The following KCNQ5 variants were observed in gnomAD, a reference collection of about 807,000 sequenced individuals.
The protein encoded by KCNQ5 is potassium voltage-gated channel subfamily Q member 5, also known as potassium voltage-gated channel subfamily KQT member 5.
Under a neutral mutation model 98.2 loss-of-function variants are expected in KCNQ5, and 30 were observed. That is an observed-to-expected ratio of 0.31 (90% confidence interval 0.23 to 0.41). The LOEUF (loss-of-function observed/expected upper bound fraction) is 0.41. Among genes scored for constraint, KCNQ5 ranks in the 10% least tolerant of loss-of-function variants. KCNQ5 has a pLI of 1.00. For synonymous variants in KCNQ5, 458 were observed against 449.4 expected (o/e 1.02, Z -0.24); for missense variants, 835 against 1,182.5 (o/e 0.71, Z 4.31).
chr6:72,845,424 T>C (rs1776979114), intron 1 of KCNQ5, among the ~76,000 whole-genome samples: 1 of 152,190 alleles, frequency 6.6e-6, no homozygotes, highest in Admixed American at 6.5e-5. Context: ...CTATTTAACC[T>C]CCATAGATGT....
intron 1 of KCNQ5, among the ~76,000 whole-genome samples, chr6:72,901,792 A>G (rs1272262764): frequency 1.3e-5 from 2 of 151,520 alleles, no homozygotes; most frequent in Non-Finnish European, 2.9e-5. Context: ...ATGCCTCCAG[A>G]TTTGTTCTTT....
intron 1 of KCNQ5, among the ~76,000 whole-genome samples, chr6:72,689,700 C>G (rs1366764814): frequency 6.6e-6 from 1 of 151,766 alleles, no homozygotes; most frequent in African/African-American, 2.4e-5. Context: ...ATTTACATAC[C>G]TGAAATGCAT....
chr6:72,667,308 C>T (rs1766872859), intron 1 of KCNQ5, among the ~76,000 whole-genome samples: 1 of 152,138 alleles, frequency 6.6e-6, no homozygotes, highest in East Asian at 1.9e-4. Flanking sequence ...GAGTTAGGCA[C>T]CATTAAGCCT....
At chr6:72,861,945 G>T (rs546481243) in intron 1 of KCNQ5, among the ~76,000 whole-genome samples, 178 of 152,112 alleles carry the variant, frequency 1.2e-3, no homozygotes, top group African/African-American at 4.3e-3. Context: ...TTCTCACTGT[G>T]TCTGCTCCTT....
chr6:72,763,968 G>T (rs1350647661), intron 1 of KCNQ5, among the ~76,000 whole-genome samples: 2 of 151,654 alleles, frequency 1.3e-5, no homozygotes, highest in Non-Finnish European at 2.9e-5. Context: ...AACTTTTTTT[G>T]ATCAGATCCA....
In KCNQ5 at chr6:73,190,540, A is replaced by AATATG. The variant is rs751832036; in HGVS notation, c.1578-33_1578-32insATATG. 3 of 1,178,262 alleles carry AATATG rather than the reference A, an allele frequency of 2.5e-6. No individual in the cohort carries two copies. The African/African-American group carries it at 4.7e-5, about 19-fold the overall frequency. The allele number at this position is 1,178,262 out of a possible 1,614,324, so 73.0% of individuals were successfully genotyped here. ...TTTGGTAACTTATATTAACAGAGTT[A>AATATG]TAAAGATTAATATGTAATATGTTCT... On this transcript the variant is annotated intron_variant, in intron 11 of 13. Transcript: ENST00000370398.
chr6:73,008,796 A>G (rs1326007851), intron 2 of KCNQ5, among the ~76,000 whole-genome samples: 1 of 152,198 alleles, frequency 6.6e-6, no homozygotes, highest in Non-Finnish European at 1.5e-5. Context: ...CCCAATAACA[A>G]TAACATAAAC....
At chr6:73,103,712 G>A (rs1351471850) in intron 5 of KCNQ5, among the ~76,000 whole-genome samples, 2 of 151,524 alleles carry the variant, frequency 1.3e-5, no homozygotes, top group Non-Finnish European at 2.9e-5. Flanking sequence ...AAGGGTAGTG[G>A]AGAGAGTGAG....
chr6:73,015,657 C>A (rs1770298938), intron 2 of KCNQ5, among the ~76,000 whole-genome samples: 1 of 152,116 alleles, frequency 6.6e-6, no homozygotes, highest in Non-Finnish European at 1.5e-5. Context: ...CATATTCAAC[C>A]AGGTCCACAC....
At chr6:72,998,724 G>A (rs1408827626) in intron 1 of KCNQ5, among the ~76,000 whole-genome samples, 2 of 150,652 alleles carry the variant, frequency 1.3e-5, no homozygotes, top group Non-Finnish European at 3.0e-5. Flanking sequence ...GCGACAGAGT[G>A]AGACTCCATC....
intron 1 of KCNQ5, among the ~76,000 whole-genome samples, chr6:72,948,181 G>C (rs1403544728): frequency 6.6e-6 from 1 of 151,996 alleles, no homozygotes; most frequent in Non-Finnish European, 1.5e-5. Flanking sequence ...ATTAACAATA[G>C]CACAAATTTG....
At chr6:72,806,453 G>A (rs1215612646) in intron 1 of KCNQ5, among the ~76,000 whole-genome samples, 2 of 152,064 alleles carry the variant, frequency 1.3e-5, no homozygotes, top group Non-Finnish European at 2.9e-5. Flanking sequence ...GGGAAATCTA[G>A]AAGACATATT....
At chr6:73,169,158 C>T (rs920309694) in intron 10 of KCNQ5, among the ~76,000 whole-genome samples, 1 of 149,894 alleles carries the variant, frequency 6.7e-6, no homozygotes, top group Admixed American at 6.7e-5. Context: ...AGTAAATTTC[C>T]TTGGTTTACG....
rs1386224217 is a variant in KCNQ5 at position 73,195,009 on chromosome 6, C to T, written c.2394C>T (p.Leu798=). The change falls in exon 14 of 14, where the codon CTC becomes CTT. Residue 798 remains leucine (L), a synonymous_variant. Coordinates refer to ENST00000370398, the MANE Select transcript of KCNQ5 (RefSeq NM_019842.4). ...KENVQVAQSN[L]TKDRSMRKSF... is the part of the protein sequence containing the mutation. ...ATGTTCAGGTTGCACAGTCAAATCT[C>T]ACCAAGGACCGTTCTATGAGGAAAA... is the stretch of plus-strand genomic sequence containing the variant. The T allele has an allele frequency of 8.1e-6, 13 of 1,614,104 alleles. No homozygotes were observed. Among genetic ancestry groups the T allele is most frequent in the African/African-American group, 1.3e-5 (1 of 74,926 alleles).
chr6:72,974,608 G>T (rs1768069030), intron 1 of KCNQ5, among the ~76,000 whole-genome samples: 1 of 151,928 alleles, frequency 6.6e-6, no homozygotes, highest in South Asian at 2.1e-4. Flanking sequence ...ACCAAATATG[G>T]GACATGTTTA....
intron 1 of KCNQ5, among the ~76,000 whole-genome samples, chr6:72,953,369 G>A (rs757698527): frequency 5.3e-5 from 8 of 152,152 alleles, no homozygotes; most frequent in Non-Finnish European, 1.2e-4. Context: ...GATCTTTCCA[G>A]TCCTCACTGA....
At chr6:72,988,612 A>G (rs556308152) in intron 1 of KCNQ5, among the ~76,000 whole-genome samples, 2 of 148,302 alleles carry the variant, frequency 1.3e-5, no homozygotes, top group East Asian at 4.0e-4. Context: ...TACCCCCTCT[A>G]TCTAAAATAA....
At chr6:72,860,808 T>C (rs1270827360) in intron 1 of KCNQ5, among the ~76,000 whole-genome samples, 1 of 151,878 alleles carries the variant, frequency 6.6e-6, no homozygotes, top group East Asian at 1.9e-4. Flanking sequence ...TCTTAATGTA[T>C]TCCTGGCTCA....
chr6:72,759,564 G>A (rs1772146919), intron 1 of KCNQ5, among the ~76,000 whole-genome samples: 1 of 152,040 alleles, frequency 6.6e-6, no homozygotes, highest in Non-Finnish European at 1.5e-5. Flanking sequence ...GTAAATGGAG[G>A]ACTGTTTCCT....
Sources: gnomAD v4.1 joint callset for allele counts (sites outside exome capture counted in the v4.1 genomes callset) on GRCh38, gnomAD v4.1.1 for gene constraint, MANE v1.5 for transcripts, NCBI Gene and HGNC (gene_info 2026-07-23, HGNC 2026-07-21) for gene names.